The following CALY variants were observed in gnomAD, a reference collection of about 807,000 sequenced individuals.
CALY encodes the protein neuron-specific vesicular protein calcyon.
Under a neutral mutation model 20.2 loss-of-function variants are expected in CALY, and 15 were observed. The observed-to-expected ratio is 0.74, with a 90% confidence interval of 0.50 to 1.14. The LOEUF is 1.14. Among genes scored for constraint, CALY ranks in the 50% most tolerant of loss-of-function variants. CALY has a pLI of 0.00. For missense variants in CALY, 270 were observed against 304.4 expected, an observed-to-expected ratio of 0.89 and a Z score of 0.84; for synonymous variants, 129 against 131.8, an observed-to-expected ratio of 0.98 and a Z score of 0.15.
In CALY at chr10:133,325,792, C is replaced by T; in HGVS notation, c.*28+7G>A. 1 of 1,147,718 alleles carries T rather than the reference C, an allele frequency of 8.7e-7. No individual in the cohort carries two copies. Among genetic ancestry groups the T allele is most frequent in the Non-Finnish European group, 1.1e-6 (1 of 920,576 alleles). 71.1% of individuals were successfully genotyped at this position (1,147,718 alleles called of 1,614,324 possible). ...GAGCCGGCCGGAGCCCCGCGGCGCGCACCTACCCCGGGCCGGGCTGCGGGG... is the reference window on the plus strand; with the variant it reads ...GAGCCGGCCGGAGCCCCGCGGCGCGTACCTACCCCGGGCCGGGCTGCGGGG... On this transcript the variant is annotated splice_region_variant and intron_variant, in intron 5 of 5. Transcript: ENST00000252939.
rs1419368469 is a variant in CALY at position 133,325,941 on chromosome 10, G to T, written c.540C>A (p.Thr180=). 2.8e-6 allele frequency: 4 copies of T among 1,449,396 alleles called. No homozygotes were observed. Among genetic ancestry groups the T allele is most frequent in the Non-Finnish European group, 3.7e-6 (4 of 1,093,094 alleles). The allele number at this position is 1,449,396 out of a possible 1,614,324, so 89.8% of individuals were successfully genotyped here. The change falls in exon 5 of 6, where the codon ACC becomes ACA. Residue 180 remains threonine (T), a synonymous_variant. Transcript: ENST00000252939. ...TGGCCGCCGCCGCCGCCCCAGCCTG[G>T]GTGGGCCCCTTGCGCTCCTCCTTGG... ...RAAKEERKGP[T]QAGAAAAATE...
intron 1 of CALY, among the ~76,000 whole-genome samples, chr10:133,333,384 A>C: frequency 8.8e-5 from 1 of 11,396 alleles, no homozygotes; most frequent in African/African-American, 3.4e-4. Flanking sequence ...GGTGGAGGGG[A>C]GGGATCCGAG....
At chr10:133,330,475 G>T (rs1484120420) in intron 1 of CALY, among the ~76,000 whole-genome samples, 3 of 149,634 alleles carry the variant, frequency 2.0e-5, no homozygotes, top group African/African-American at 7.4e-5. Flanking sequence ...GGCTAACACG[G>T]TGAAACCCCG....
intron 1 of CALY, among the ~76,000 whole-genome samples, chr10:133,330,098 G>A (rs1315362525): frequency 2.0e-5 from 3 of 152,230 alleles, no homozygotes; most frequent in African/African-American, 7.2e-5. Context: ...GAAAAGGAAT[G>A]CAGCGGATGA....
At position 133,328,962 on chromosome 10, in the gene CALY, CA is replaced by C. The variant is rs1352788695; in HGVS notation, c.27del (p.Lys11SerfsTer19). 6.4e-7 allele frequency: 1 copy of C among 1,565,478 alleles called. No homozygotes were observed. The highest frequency in any genetic ancestry group is 2.3e-5 in the East Asian group (1 of 42,654). On this transcript the variant is annotated frameshift_variant, in exon 2 of 6. Coordinates refer to ENST00000252939, the MANE Select transcript of CALY (RefSeq NM_015722.4). LOFTEE classifies it high-confidence loss of function. MVKLGCSF[S>X]GKPGKDPGDQ... ...TCCCCAGGGTCTTTACCTGGCTTCC[CA>C]GAGAAGCTGCAGCCCAGCTTCACCA...
In CALY at chr10:133,327,930, C is replaced by A; in HGVS notation, c.221G>T (p.Cys74Phe). Residue 74 changes from cysteine to phenylalanine, a missense_variant, in exon 3 of 6, where the codon TGC becomes TTC. Physicochemically the swap from Cys to Phe is radical, Grantham distance 205. Transcript: ENST00000252939. Reference sequence around the variant, plus strand: ...CCTGCGCCCTTCCTCTGGGTGGCTGCAGTTCAGCCTCTGGCCCTCCAGGTC... The same window carrying A: ...CCTGCGCCCTTCCTCTGGGTGGCTGAAGTTCAGCCTCTGGCCCTCCAGGTC... ...FPDLEGQRLN[C>F]SHPEEGRRLP... is the part of the protein sequence containing the mutation. The A allele has an allele frequency of 6.2e-7, 1 of 1,612,398 alleles. No homozygotes were observed. The highest frequency in any genetic ancestry group is 1.1e-5 in the South Asian group (1 of 90,764).
intron 1 of CALY, among the ~76,000 whole-genome samples, chr10:133,329,389 C>T (rs370126395): frequency 2.0e-5 from 2 of 99,670 alleles, no homozygotes; most frequent in Admixed American, 1.1e-4. Flanking sequence ...TCTTCTTCTT[C>T]TTCTTTTTTT....
At chr10:133,331,984 G>A (rs529684055) in intron 1 of CALY, among the ~76,000 whole-genome samples, 60 of 152,222 alleles carry the variant, frequency 3.9e-4, no homozygotes, top group African/African-American at 9.4e-4. Flanking sequence ...AAAACTAGCC[G>A]GGCATGGTGG....
At position 133,324,710 on chromosome 10, in the gene CALY, T is replaced by C. The variant is rs1287010761; in HGVS notation, c.*885A>G. 3 of 312,428 alleles carry C rather than the reference T, an allele frequency of 9.6e-6. No homozygotes were observed. The highest frequency in any genetic ancestry group is 1.8e-5 in the Non-Finnish European group (3 of 163,138). The allele number at this position is 312,428 out of a possible 1,614,324, so 19.4% of individuals were successfully genotyped here. A position where few individuals can be genotyped will look rare whatever the true frequency, so the allele number is the denominator to read the frequency against. On this transcript the variant is annotated 3_prime_UTR_variant, in exon 6 of 6. Coordinates refer to ENST00000252939, the MANE Select transcript of CALY (RefSeq NM_015722.4). ...TGAGATCTGCCGGAAGTCCATTCCC[T>C]GTAGTGTTCAGTGCCGGGAGTTGGC...
rs1394604938 is a variant in CALY, at chr10:133,326,319, G to A, written c.361-199C>T. The A allele has an allele frequency of 7.9e-6, 12 of 1,522,960 alleles. No homozygotes were observed. In the Admixed American group the frequency reaches 2.4e-4, roughly 30 times the overall value. The allele number at this position is 1,522,960 out of a possible 1,614,324, so 94.3% of individuals were successfully genotyped here. ...GAGCAGGAGGTCGCGCGTTGTAAGG[G>A]GAGGGGCCACCCAGGGAGAGGGGCG... is the stretch of plus-strand genomic sequence containing the variant. On this transcript the variant is annotated intron_variant, in intron 4 of 5. Transcript: ENST00000252939.
intron 3 of CALY, chr10:133,327,427 G>C (rs887442590): frequency 2.0e-6 from 1 of 502,416 alleles, no homozygotes; most frequent in Non-Finnish European, 3.5e-6. Context: ...GGCCAGGGGC[G>C]GGGAGCCCTA....
In CALY at chr10:133,326,892, C is replaced by T. The variant is rs980544406; in HGVS notation, c.346G>A (p.Gly116Ser). The T allele has an allele frequency of 6.2e-6, 10 of 1,607,368 alleles. No individual in the cohort carries two copies. The highest frequency in any genetic ancestry group is 5.3e-5 in the African/African-American group (4 of 74,888). Residue 116 changes from glycine to serine, a missense_variant, in exon 4 of 6, where the codon GGC (glycine) becomes AGC (serine). Gly to Ser is a moderately conservative substitution (Grantham distance 56, BLOSUM62 0). Transcript: ENST00000252939. Reference sequence around the variant, plus strand: ...GGCCCCCTTACCCGCAGCAGGAAGCCGTCGGGGCAGGTGAACTGGTCGTAC... The same window carrying T: ...GGCCCCCTTACCCGCAGCAGGAAGCTGTCGGGGCAGGTGAACTGGTCGTAC... ...IWYDQFTCPDGFLLRHKICTP... is the reference protein window; with the variant it reads ...IWYDQFTCPDSFLLRHKICTP...
chr10:133,327,669 A>G (rs1848235780), intron 3 of CALY: 1 of 624,064 alleles, frequency 1.6e-6, no homozygotes, highest in African/African-American at 1.8e-5. Flanking sequence ...AGAAAGAAAA[A>G]CATCTCAGGA....
At chr10:133,332,020 G>A (rs1344539669) in intron 1 of CALY, among the ~76,000 whole-genome samples, 1 of 152,182 alleles carries the variant, frequency 6.6e-6, no homozygotes, top group Non-Finnish European at 1.5e-5. Context: ...CCAGAATCTC[G>A]GGAGGCTGAG....
rs78188845 is a variant in CALY at position 133,332,601 on chromosome 10, G to C, written c.-20-3592C>G. On this transcript the variant is annotated intron_variant, in intron 1 of 5. Coordinates refer to ENST00000252939, the MANE Select transcript of CALY (RefSeq NM_015722.4). ...GAGAAGACAGTTGCAACCCACAAAT[G>C]ATGAGGGTGCATTGTGGGTTGAATG... Among the ~76,000 whole-genome samples, 180 of 152,326 alleles carry C rather than the reference G, an allele frequency of 1.2e-3. 2 individuals are homozygous for C. The East Asian group carries it at 0.03, about 25-fold the overall frequency.
At chr10:133,327,189 G>A (rs1395285083) in intron 3 of CALY, among the ~76,000 whole-genome samples, 198 bp from the exon 4 acceptor site, 3 of 152,254 alleles carry the variant, frequency 2.0e-5, no homozygotes, top group Non-Finnish European at 2.9e-5. Flanking sequence ...GCCAGGCCTT[G>A]CTGGTGGCCC....
chr10:133,329,892 G>A (rs2133379371), intron 1 of CALY, among the ~76,000 whole-genome samples: 1 of 152,358 alleles, frequency 6.6e-6, no homozygotes, highest in African/African-American at 2.4e-5. Context: ...AGAGACGCAC[G>A]AAGTGAGAAA....
chr10:133,331,922 T>A (rs1282676555), intron 1 of CALY, among the ~76,000 whole-genome samples: 1 of 151,820 alleles, frequency 6.6e-6, no homozygotes, highest in Non-Finnish European at 1.5e-5. Flanking sequence ...AGATCAGGAG[T>A]TTGAGACCAG....
chr10:133,330,117 C>T lies in CALY; in HGVS notation c.-20-1108G>A, dbSNP rs79947819. Among the ~76,000 whole-genome samples, 1,246 of 152,320 alleles carry T rather than the reference C, an allele frequency of 8.2e-3. 13 individuals are homozygous for T. Among genetic ancestry groups the T allele is most frequent in the South Asian group, 0.021 (100 of 4,830 alleles). On this transcript the variant is annotated intron_variant, in intron 1 of 5. Transcript: ENST00000252939. Reference sequence around the variant, plus strand: ...AGGAATGCAGCGGATGACCTCCGAGCTGATGGATGGAAAAAGCAGAAAAAG... The same window carrying T: ...AGGAATGCAGCGGATGACCTCCGAGTTGATGGATGGAAAAAGCAGAAAAAG...
Sources: gnomAD v4.1 joint callset for allele counts (sites outside exome capture counted in the v4.1 genomes callset) on GRCh38, gnomAD v4.1.1 for gene constraint, MANE v1.5 for transcripts, NCBI Gene and HGNC (gene_info 2026-07-23, HGNC 2026-07-21) for gene names.